SIPA1L3: variants seen among roughly 807,000 people sequenced by gnomAD.
SIPA1L3 encodes signal-induced proliferation-associated 1-like protein 3.
A neutral mutation model predicts 150.1 loss-of-function variants in SIPA1L3; 59 were observed. That is an observed-to-expected ratio of 0.39 (90% CI 0.32 to 0.49). The LOEUF (loss-of-function observed/expected upper bound fraction) is 0.49. Among genes scored for constraint, SIPA1L3 ranks in the 20% least tolerant of loss-of-function variants. The pLI is 0.86. For synonymous variants in SIPA1L3, 1,070 were observed against 1,077.6 expected (o/e 0.99, Z 0.14); for missense variants, 2,211 against 2,489.5 (o/e 0.89, Z 2.38).
At chr19:38,105,376 AAAG>A (rs925419479) in intron 6 of SIPA1L3, among the ~76,000 whole-genome samples, 1 of 151,786 alleles carries the variant, frequency 6.6e-6, no homozygotes, top group African/African-American at 2.4e-5. Flanking sequence ...AAAAAAAAAA[AAAG>A]AACAGATCTG....
chr19:38,191,243 C>CA (rs1270094417), intron 16 of SIPA1L3, among the ~76,000 whole-genome samples: 1 of 151,298 alleles, frequency 6.6e-6, no homozygotes, highest in Non-Finnish European at 1.5e-5. Flanking sequence ...CCCATCTTTA[C>CA]AAAAAAATTA....
intron 7 of SIPA1L3, among the ~76,000 whole-genome samples, chr19:38,107,325 C>T (rs1300972945): frequency 2.0e-5 from 3 of 152,164 alleles, no homozygotes; most frequent in South Asian, 2.1e-4. Context: ...AGGCTCATGC[C>T]CAACCCTAGA....
chr19:37,972,450 C>T (rs1395164964), intron 1 of SIPA1L3, among the ~76,000 whole-genome samples: 2 of 152,070 alleles, frequency 1.3e-5, no homozygotes, highest in African/African-American at 4.8e-5. Context: ...TGCCTGTAAT[C>T]CCTGTGCTTT....
chr19:37,926,023 T>C (rs1345211927), intron 1 of SIPA1L3, among the ~76,000 whole-genome samples: 1 of 152,198 alleles, frequency 6.6e-6, no homozygotes, highest in Admixed American at 6.5e-5. Flanking sequence ...ACCAGTTCCT[T>C]GACACTACAT....
intron 10 of SIPA1L3, among the ~76,000 whole-genome samples, chr19:38,138,897 C>CAAAAGAAAAAAA (rs1971500803): frequency 2.3e-5 from 1 of 44,114 alleles, no homozygotes; most frequent in Non-Finnish European, 4.0e-5. Flanking sequence ...GACTCTATCT[C>CAAAAGAAAAAAA]AAAAAAAAAA....
At chr19:38,175,188 G>A (rs561131528) in intron 15 of SIPA1L3, among the ~76,000 whole-genome samples, 10 of 152,010 alleles carry the variant, frequency 6.6e-5, no homozygotes, top group South Asian at 6.2e-4. Context: ...TTGCTACGGC[G>A]GCTAAGTGAG....
At chr19:38,016,818 T>C (rs1968243891) in intron 1 of SIPA1L3, among the ~76,000 whole-genome samples, 1 of 150,532 alleles carries the variant, frequency 6.6e-6, no homozygotes, top group South Asian at 2.1e-4. Flanking sequence ...ATATATTTGG[T>C]TAATACCGGT....
intron 14 of SIPA1L3, among the ~76,000 whole-genome samples, chr19:38,163,607 G>A (rs927649172): frequency 6.6e-5 from 10 of 152,082 alleles, no homozygotes; most frequent in Non-Finnish European, 8.8e-5. Flanking sequence ...AACCTTGAGT[G>A]AAGGAAGGGG....
chr19:37,916,936 G>A (rs904281818), intron 1 of SIPA1L3, among the ~76,000 whole-genome samples: 2 of 150,216 alleles, frequency 1.3e-5, no homozygotes, highest in African/African-American at 4.9e-5. Flanking sequence ...TCCAGCCTGG[G>A]CAACAGAGTG....
intron 2 of SIPA1L3, among the ~76,000 whole-genome samples, chr19:38,070,354 C>T (rs532773664): frequency 6.6e-6 from 1 of 152,290 alleles, no homozygotes; most frequent in South Asian, 2.1e-4. Flanking sequence ...TGATTACACA[C>T]ATGAGCCACT....
At chr19:38,129,574 G>A (rs563626693) in intron 9 of SIPA1L3, among the ~76,000 whole-genome samples, 3 of 149,648 alleles carry the variant, frequency 2.0e-5, no homozygotes, top group African/African-American at 7.4e-5. Flanking sequence ...GCAGTGAGCC[G>A]AGATCACGCC....
At chr19:37,916,252 C>A (rs2046413854) in intron 1 of SIPA1L3, among the ~76,000 whole-genome samples, 1 of 151,948 alleles carries the variant, frequency 6.6e-6, no homozygotes, top group Non-Finnish European at 1.5e-5. Flanking sequence ...GTCTCAAACT[C>A]CTGACCTCAG....
chr19:37,934,196 G>C (rs1457648777), intron 1 of SIPA1L3, among the ~76,000 whole-genome samples: 1 of 152,198 alleles, frequency 6.6e-6, no homozygotes, highest in Non-Finnish European at 1.5e-5. Context: ...AGCTCCATGA[G>C]TGAGGTCAGT....
chr19:38,182,943 A>G (rs1972593257), intron 16 of SIPA1L3: 1 of 543,374 alleles, frequency 1.8e-6, no homozygotes, highest in Admixed American at 3.5e-5. Context: ...GTGACCAACA[A>G]TAAGTAGAAT....
chr19:37,916,055 C>A (rs1272144139), intron 1 of SIPA1L3, among the ~76,000 whole-genome samples: 1 of 151,778 alleles, frequency 6.6e-6, no homozygotes, highest in Non-Finnish European at 1.5e-5. Flanking sequence ...TGAGACAGTT[C>A]TCACTCTGTT....
At chr19:38,073,652 A>G (rs1415459878) in intron 2 of SIPA1L3, among the ~76,000 whole-genome samples, 1 of 152,204 alleles carries the variant, frequency 6.6e-6, no homozygotes, top group Non-Finnish European at 1.5e-5. Context: ...GTACAGAATG[A>G]ACACGAGGCC....
intron 7 of SIPA1L3, chr19:38,109,891 C>T: frequency 3.8e-6 from 1 of 260,760 alleles, no homozygotes; most frequent in East Asian, 7.6e-5. Context: ...ATAACGTAGT[C>T]AGCAAAGGCC....
chr19:38,008,217 CTTTTTTTTTTTT>C lies in SIPA1L3; in HGVS notation c.-378-20855_-378-20844del, dbSNP rs35422339. Among the ~76,000 whole-genome samples the C allele has an allele frequency of 3.2e-4, 16 of 50,126 alleles. No individual in the cohort carries two copies. In the South Asian group the frequency reaches 0.012, roughly 39 times the overall value. 32.9% of individuals were successfully genotyped at this position (50,126 alleles called of 152,430 possible). The stretch of plus-strand genomic sequence containing the variant: ...AGAGGTGAGAAATCACCATAGGCTG[CTTTTTTTTTTTT>C]TTTTTTTTTTTTTTTTGAGATGGAG... On this transcript the variant is annotated intron_variant, in intron 1 of 21. Coordinates refer to ENST00000222345, the MANE Select transcript of SIPA1L3 (RefSeq NM_015073.3).
At chr19:38,178,837 C>T (rs1272400234) in intron 15 of SIPA1L3, among the ~76,000 whole-genome samples, 1 of 152,096 alleles carries the variant, frequency 6.6e-6, no homozygotes. Context: ...CTCTTGTCTC[C>T]TGGGGAAAGC....
Sources: gnomAD v4.1 joint callset for allele counts (sites outside exome capture counted in the v4.1 genomes callset) on GRCh38, gnomAD v4.1.1 for gene constraint, MANE v1.5 for transcripts, NCBI Gene and HGNC (gene_info 2026-07-23, HGNC 2026-07-21) for gene names.